GLIS1: variants seen among roughly 807,000 people sequenced by gnomAD.
GLIS1 encodes GLIS family zinc finger 1.
Under a neutral mutation model 63.8 loss-of-function variants are expected in GLIS1, and 24 were observed. The observed-to-expected ratio is 0.38, with a 90% CI of 0.27 to 0.53. The LOEUF (loss-of-function observed/expected upper bound fraction) is 0.53, where lower values mean the gene tolerates loss of function less well. Among genes scored for constraint, GLIS1 ranks in the 20% least tolerant of loss-of-function variants. GLIS1 has a pLI of 0.85. For synonymous variants in GLIS1, 450 were observed against 482.5 expected (o/e 0.93, Z 0.88); for missense variants, 1,036 against 1,074.1 (o/e 0.96, Z 0.50).
In GLIS1 at chr1:53,524,779, T is replaced by A. The variant is rs2100309315; in HGVS notation, c.1591A>T (p.Lys531Ter). The change falls in exon 6 of 11, where the codon AAG (lysine) becomes TAG (stop). Residue 531 changes from lysine (K) to a stop codon, truncating the protein, a stop_gained and splice_region_variant. Coordinates refer to ENST00000628545, the MANE Select transcript of GLIS1 (RefSeq NM_001367484.1). LOFTEE classifies it high-confidence loss of function. ...CCAGATGAGGAGGGCTGGCTTACCT[T>A]CTTACGCACCTGCTGCTCTTTGGCT... ...HSAKEQQVRK[K>*]LHAGPDTEAD... 1 of 1,612,374 alleles carries A rather than the reference T, an allele frequency of 6.2e-7. No homozygotes were observed. Among genetic ancestry groups the A allele is most frequent in the Non-Finnish European group, 8.5e-7 (1 of 1,178,984 alleles).
chr1:53,641,060 G>A (rs1453442244), intron 2 of GLIS1, among the ~76,000 whole-genome samples: 2 of 152,126 alleles, frequency 1.3e-5, no homozygotes, highest in Non-Finnish European at 2.9e-5. Context: ...GTAGAAAAGG[G>A]CCCATACTAT....
intron 6 of GLIS1, among the ~76,000 whole-genome samples, chr1:53,522,311 G>C (rs1557429840): frequency 6.6e-6 from 1 of 152,252 alleles, no homozygotes; most frequent in Non-Finnish European, 1.5e-5. Context: ...GATGCTTATT[G>C]TTGGGAAGTT....
rs1646931264 is a variant in GLIS1 at position 53,738,105 on chromosome 1, T to G, written c.-41A>C. 6.5e-6 allele frequency: 8 copies of G among 1,225,866 alleles called. No homozygotes were observed. Among genetic ancestry groups the G allele is most frequent in the Non-Finnish European group, 8.1e-6 (8 of 983,330 alleles). 75.9% of individuals were successfully genotyped at this position (1,225,866 alleles called of 1,614,324 possible). A position where few individuals can be genotyped will look rare whatever the true frequency, so the allele number is the denominator to read the frequency against. On this transcript the variant is annotated splice_region_variant and 5_prime_UTR_variant, in exon 2 of 11. Transcript: ENST00000628545. ...CGCACGGCTGGGGGTCGCGCCGGGCTCCTGGGGAGGGGAGACAGCACAGCC... is the reference window on the plus strand; with the variant it reads ...CGCACGGCTGGGGGTCGCGCCGGGCGCCTGGGGAGGGGAGACAGCACAGCC...
At chr1:53,673,131 G>GC (rs1163387232) in intron 2 of GLIS1, among the ~76,000 whole-genome samples, 1 of 152,138 alleles carries the variant, frequency 6.6e-6, no homozygotes, top group Non-Finnish European at 1.5e-5. Context: ...GTCCCCACAA[G>GC]CCCCCCTTCA....
intron 3 of GLIS1, 112 bp downstream of exon 3, chr1:53,599,989 G>A (rs533310953): frequency 2.4e-5 from 13 of 537,156 alleles, no homozygotes; most frequent in East Asian, 1.0e-4. Flanking sequence ...CGGGCCCCTC[G>A]TGCCTCCATT....
intron 2 of GLIS1, among the ~76,000 whole-genome samples, chr1:53,621,105 C>T (rs1034708546): frequency 1.3e-5 from 2 of 152,220 alleles, no homozygotes; most frequent in Non-Finnish European, 2.9e-5. Context: ...GGTAACCTAA[C>T]CTCTCTGTGC....
intron 2 of GLIS1, among the ~76,000 whole-genome samples, chr1:53,710,442 G>A (rs1055218638): frequency 6.6e-6 from 1 of 152,250 alleles, no homozygotes; most frequent in Admixed American, 6.5e-5. Flanking sequence ...TCAGACAGAC[G>A]AAGAACTGCA....
At chr1:53,616,244 G>A (rs967674992) in intron 2 of GLIS1, among the ~76,000 whole-genome samples, 9 of 152,142 alleles carry the variant, frequency 5.9e-5, no homozygotes, top group South Asian at 2.1e-4. Context: ...GAGCGACAGC[G>A]ATGGTGACCA....
intron 2 of GLIS1, among the ~76,000 whole-genome samples, chr1:53,696,062 C>T (rs796973952): frequency 3.9e-5 from 6 of 152,204 alleles, no homozygotes; most frequent in African/African-American, 1.4e-4. Context: ...CAGGGCTTCT[C>T]CACTCCCAGC....
At chr1:53,573,481 A>G (rs1200021053) in intron 4 of GLIS1, among the ~76,000 whole-genome samples, 3 of 152,124 alleles carry the variant, frequency 2.0e-5, no homozygotes, top group Non-Finnish European at 4.4e-5. Context: ...AGGCTTATAG[A>G]GCCCACATTC....
intron 4 of GLIS1, among the ~76,000 whole-genome samples, chr1:53,561,195 C>T (rs991958956): frequency 9.9e-5 from 15 of 152,232 alleles, no homozygotes; most frequent in Admixed American, 5.2e-4. Context: ...GGCTACACCA[C>T]TTGTGTAAGG....
chr1:53,713,916 C>G (rs1037771289), intron 2 of GLIS1, among the ~76,000 whole-genome samples: 2 of 152,242 alleles, frequency 1.3e-5, no homozygotes, highest in African/African-American at 4.8e-5. Flanking sequence ...AGGGTATAGA[C>G]AGACTGCCAC....
chr1:53,583,587 G>A (rs371976885), intron 4 of GLIS1, among the ~76,000 whole-genome samples: 15 of 152,174 alleles, frequency 9.9e-5, no homozygotes, highest in African/African-American at 2.9e-4. Context: ...ACCTATCAAG[G>A]GAAGTGGCTA....
chr1:53,561,079 A>G (rs1322576532), intron 4 of GLIS1, among the ~76,000 whole-genome samples: 1 of 152,098 alleles, frequency 6.6e-6, no homozygotes, highest in Non-Finnish European at 1.5e-5. Flanking sequence ...CTCTACAGAC[A>G]TTGACTCATC....
At chr1:53,564,222 C>T (rs1166168027) in intron 4 of GLIS1, among the ~76,000 whole-genome samples, 1 of 152,080 alleles carries the variant, frequency 6.6e-6, no homozygotes, top group Admixed American at 6.6e-5. Flanking sequence ...GATTAAGAGG[C>T]AGTGCCCTAA....
intron 2 of GLIS1, among the ~76,000 whole-genome samples, chr1:53,619,987 T>G (rs1450511040): frequency 1.3e-5 from 2 of 152,196 alleles, no homozygotes; most frequent in Non-Finnish European, 2.9e-5. Context: ...GATGATGCTC[T>G]CCTCTCCTTG....
chr1:53,692,196 A>G (rs936741657), intron 2 of GLIS1, among the ~76,000 whole-genome samples: 2 of 152,174 alleles, frequency 1.3e-5, no homozygotes, highest in Non-Finnish European at 1.5e-5. Context: ...TAAAACTACT[A>G]TAGAACAATA....
intron 2 of GLIS1, among the ~76,000 whole-genome samples, chr1:53,603,768 G>C (rs1645342618): frequency 6.6e-6 from 1 of 152,254 alleles, no homozygotes; most frequent in Non-Finnish European, 1.5e-5. Context: ...CCTTGGGCCT[G>C]GCTTTCCCCA....
At chr1:53,509,772 ACTGT>A in intron 9 of GLIS1, 73 bp downstream of exon 9, 1 of 901,748 alleles carries the variant, frequency 1.1e-6, no homozygotes, top group Non-Finnish European at 1.5e-6. Flanking sequence ...CCACTAGGTC[ACTGT>A]CTCCTCGTTC....
Sources: allele counts gnomAD v4.1 joint callset (sites outside exome capture counted in the v4.1 genomes callset), GRCh38; gene constraint gnomAD v4.1.1; transcripts MANE v1.5; gene names NCBI Gene and HGNC (gene_info 2026-07-23, HGNC 2026-07-21).